Variants in H2AC11 observed in about 807,000 individuals in gnomAD.
The protein encoded by H2AC11 is H2A clustered histone 11.
Under a neutral mutation model 5.9 loss-of-function variants are expected in H2AC11, and 8 were observed. The ratio of observed to expected loss-of-function variants is 1.35; its 90% CI spans 0.79 to 2.44. The LOEUF (loss-of-function observed/expected upper bound fraction) is 2.44, where lower values mean the gene tolerates loss of function less well. Among genes scored for constraint, H2AC11 ranks in the 30% most tolerant of loss-of-function variants. H2AC11 has a pLI of 0.00. For missense variants in H2AC11, 189 were observed against 178.6 expected (o/e 1.06, Z -0.33); for synonymous variants, 161 against 81.9 (o/e 1.96, Z -5.21).
At position 27,133,149 on chromosome 6, in the gene H2AC11, C is replaced by T. The variant is rs765181979; in HGVS notation, c.78C>T (p.Phe26=). 6 of 1,614,060 alleles carry T rather than the reference C, an allele frequency of 3.7e-6. No homozygotes were observed. The highest frequency in any genetic ancestry group is 3.3e-5 in the South Asian group (3 of 91,058). ...GCTCTTCTAGGGCCGGTCTCCAGTT[C>T]CCCGTGGGCCGAGTGCACCGCCTGC... is the stretch of plus-strand genomic sequence containing the variant. The part of the protein sequence containing the change: ...KTRSSRAGLQ[F]PVGRVHRLLR... Residue 26 remains phenylalanine, a synonymous_variant, in exon 1 of 1, where the codon TTC becomes TTT. Transcript: ENST00000359193.
At position 27,133,416 on chromosome 6, in the gene H2AC11, G is replaced by C. The variant is rs561275841; in HGVS notation, c.345G>C (p.Val115=). The C allele has an allele frequency of 1.9e-6, 3 of 1,614,220 alleles. No individual in the cohort carries two copies. The highest frequency in any genetic ancestry group is 1.7e-5 in the Admixed American group (1 of 60,028). ...QGGVLPNIQA[V]LLPKKTESHH... The stretch of plus-strand genomic sequence containing the variant: ...GTGTCCTGCCCAACATTCAGGCCGT[G>C]CTACTGCCCAAAAAGACTGAGAGCC... The change falls in exon 1 of 1, where the codon GTG becomes GTC. Residue 115 remains valine (V), a synonymous_variant. Transcript: ENST00000359193.
At position 27,133,167 on chromosome 6, in the gene H2AC11, C is replaced by G; in HGVS notation, c.96C>G (p.His32Gln). 1 of 1,614,110 alleles carries G rather than the reference C, an allele frequency of 6.2e-7. No homozygotes were observed. Among genetic ancestry groups the G allele is most frequent in the South Asian group, 1.1e-5 (1 of 91,054 alleles). Residue 32 changes from histidine to glutamine, a missense_variant, in exon 1 of 1, where the codon CAC (histidine) becomes CAG (glutamine). Coordinates refer to ENST00000359193, the MANE Select transcript of H2AC11 (RefSeq NM_021064.5). ...TCCAGTTCCCCGTGGGCCGAGTGCA[C>G]CGCCTGCTCCGCAAAGGCAACTATG... ...AGLQFPVGRV[H>Q]RLLRKGNYAE...
Position 27,133,478 on chromosome 6 carries a change from T to C in H2AC11, c.*14T>C. The C allele has an allele frequency of 1.2e-6, 2 of 1,604,778 alleles. No individual in the cohort carries two copies. The highest frequency in any genetic ancestry group is 1.7e-6 in the Non-Finnish European group (2 of 1,173,164). ...AAGGGCAAGTAACTATCTGTACTAG[T>C]TTGTGGCAGCTCAAGTAAAATCGAG... On this transcript the variant is annotated 3_prime_UTR_variant, in exon 1 of 1. Coordinates refer to ENST00000359193, the MANE Select transcript of H2AC11 (RefSeq NM_021064.5).
rs376008923 is a variant in H2AC11, at chr6:27,133,486, A to T, written c.*22A>T. Reference sequence around the variant, plus strand: ...GTAACTATCTGTACTAGTTTGTGGCAGCTCAAGTAAAATCGAGTCCAAACC... The same window carrying T: ...GTAACTATCTGTACTAGTTTGTGGCTGCTCAAGTAAAATCGAGTCCAAACC... On this transcript the variant is annotated 3_prime_UTR_variant, in exon 1 of 1. Coordinates refer to ENST00000359193, the MANE Select transcript of H2AC11 (RefSeq NM_021064.5). 6.2e-7 allele frequency: 1 copy of T among 1,600,914 alleles called. No homozygotes were observed. The highest frequency in any genetic ancestry group is 8.5e-7 in the Non-Finnish European group (1 of 1,170,920).
rs1277773851 is a variant in H2AC11, at chr6:27,133,082, G to A, written c.11G>A (p.Arg4His). 3 of 1,611,678 alleles carry A rather than the reference G, an allele frequency of 1.9e-6. No individual in the cohort carries two copies. Among genetic ancestry groups the A allele is most frequent in the Non-Finnish European group, 2.5e-6 (3 of 1,178,514 alleles). Residue 4 changes from arginine (R) to histidine (H), a missense_variant, in exon 1 of 1, where the codon CGT becomes CAT. Physicochemically the swap from Arg to His is conservative, Grantham distance 29. Coordinates refer to ENST00000359193, the MANE Select transcript of H2AC11 (RefSeq NM_021064.5). MSG[R>H]GKQGGKARAK... Reference sequence around the variant, plus strand: ...TGAGTTGCGCTCGCTATGTCTGGACGTGGCAAGCAGGGAGGCAAAGCCCGC... The same window carrying A: ...TGAGTTGCGCTCGCTATGTCTGGACATGGCAAGCAGGGAGGCAAAGCCCGC...
chr6:27,133,207 G>A lies in H2AC11; in HGVS notation c.136G>A (p.Ala46Thr). ...AGGCAACTATGCCGAGCGGGTCGGGGCCGGCGCGCCGGTGTATCTGGCAGC... is the reference window on the plus strand; with the variant it reads ...AGGCAACTATGCCGAGCGGGTCGGGACCGGCGCGCCGGTGTATCTGGCAGC... ...RKGNYAERVG[A>T]GAPVYLAAVL... The change falls in exon 1 of 1, where the codon GCC becomes ACC. Residue 46 changes from alanine to threonine, a missense_variant. By Grantham distance (58) the Ala-to-Thr change is moderately conservative (BLOSUM62 0). Coordinates refer to ENST00000359193, the MANE Select transcript of H2AC11 (RefSeq NM_021064.5). 6.2e-7 allele frequency: 1 copy of A among 1,614,060 alleles called. No homozygotes were observed. The highest frequency in any genetic ancestry group is 8.5e-7 in the Non-Finnish European group (1 of 1,180,006).
chr6:27,133,219 G>A lies in H2AC11; in HGVS notation c.148G>A (p.Val50Met), dbSNP rs770612081. The change falls in exon 1 of 1, where the codon GTG becomes ATG. Residue 50 changes from valine to methionine, a missense_variant. Physicochemically the swap from Val to Met is conservative, Grantham distance 21 (BLOSUM62 1). Coordinates refer to ENST00000359193, the MANE Select transcript of H2AC11 (RefSeq NM_021064.5). ...YAERVGAGAP[V>M]YLAAVLEYLT... ...CGAGCGGGTCGGGGCCGGCGCGCCG[G>A]TGTATCTGGCAGCGGTGCTGGAGTA... 7 of 1,613,990 alleles carry A rather than the reference G, an allele frequency of 4.3e-6. No homozygotes were observed. Among genetic ancestry groups the A allele is most frequent in the African/African-American group, 1.3e-5 (1 of 74,938 alleles).
Position 27,133,109 on chromosome 6 carries a change from C to T in H2AC11, c.38C>T (p.Ala13Val), listed in dbSNP as rs752509442. ...GGCAAGCAGGGAGGCAAAGCCCGCG[C>T]TAAGGCCAAGACTCGCTCTTCTAGG... The part of the protein sequence containing the change: ...GRGKQGGKAR[A>V]KAKTRSSRAG... Residue 13 changes from alanine to valine, a missense_variant, in exon 1 of 1, where the codon GCT becomes GTT. By Grantham distance (64) the Ala-to-Val change is moderately conservative. Coordinates refer to ENST00000359193, the MANE Select transcript of H2AC11 (RefSeq NM_021064.5). 4 of 1,613,710 alleles carry T rather than the reference C, an allele frequency of 2.5e-6. No individual in the cohort carries two copies. Among genetic ancestry groups the T allele is most frequent in the East Asian group, 2.2e-5 (1 of 44,878 alleles).
rs774470628 is a variant in H2AC11, at chr6:27,133,179, C to CT, written c.108_109insT (p.Lys37Ter). 2.5e-6 allele frequency: 4 copies of CT among 1,614,114 alleles called. No individual in the cohort carries two copies. In the Admixed American group the frequency reaches 5.0e-5, roughly 20 times the overall value. On this transcript the variant is annotated frameshift_variant, in exon 1 of 1. Coordinates refer to ENST00000359193, the MANE Select transcript of H2AC11 (RefSeq NM_021064.5). LOFTEE classifies it high-confidence loss of function. ...TGGGCCGAGTGCACCGCCTGCTCCG[C>CT]AAAGGCAACTATGCCGAGCGGGTCG...
In H2AC11 at chr6:27,133,161, A is replaced by C. The variant is rs376867899; in HGVS notation, c.90A>C (p.Arg30=). Residue 30 remains arginine (R), a synonymous_variant, in exon 1 of 1, where the codon CGA becomes CGC. Coordinates refer to ENST00000359193, the MANE Select transcript of H2AC11 (RefSeq NM_021064.5). The part of the protein sequence containing the change: ...SRAGLQFPVG[R]VHRLLRKGNY... ...CCGGTCTCCAGTTCCCCGTGGGCCG[A>C]GTGCACCGCCTGCTCCGCAAAGGCA... 36 of 1,614,050 alleles carry C rather than the reference A, an allele frequency of 2.2e-5. No individual in the cohort carries two copies. The East Asian group carries it at 6.7e-4, about 30-fold the overall frequency.
chr6:27,133,207 G>C lies in H2AC11; in HGVS notation c.136G>C (p.Ala46Pro), dbSNP rs1403904789. Residue 46 changes from alanine (A) to proline (P), a missense_variant, in exon 1 of 1, where the codon GCC (alanine) becomes CCC (proline). By Grantham distance (27) the Ala-to-Pro change is conservative (BLOSUM62 -1). Transcript: ENST00000359193. The part of the protein sequence containing the change: ...RKGNYAERVG[A>P]GAPVYLAAVL... ...AGGCAACTATGCCGAGCGGGTCGGG[G>C]CCGGCGCGCCGGTGTATCTGGCAGC... 1 of 1,613,942 alleles carries C rather than the reference G, an allele frequency of 6.2e-7. No homozygotes were observed. The highest frequency in any genetic ancestry group is 8.5e-7 in the Non-Finnish European group (1 of 1,180,014).
Position 27,133,449 on chromosome 6 carries a change from G to A in H2AC11, c.378G>A (p.Lys126=). 1.2e-6 allele frequency: 2 copies of A among 1,614,088 alleles called. No individual in the cohort carries two copies. Among genetic ancestry groups the A allele is most frequent in the Non-Finnish European group, 8.5e-7 (1 of 1,179,904 alleles). Residue 126 remains lysine, a synonymous_variant, in exon 1 of 1, where the codon AAG becomes AAA. Coordinates refer to ENST00000359193, the MANE Select transcript of H2AC11 (RefSeq NM_021064.5). The part of the protein sequence containing the change: ...LLPKKTESHH[K]AKGK ...CCAAAAAGACTGAGAGCCACCACAA[G>A]GCGAAGGGCAAGTAACTATCTGTAC...
In H2AC11 at chr6:27,133,319, A is replaced by G. The variant is rs779779973; in HGVS notation, c.248A>G (p.His83Arg). The G allele has an allele frequency of 6.2e-6, 10 of 1,614,038 alleles. No individual in the cohort carries two copies. Among genetic ancestry groups the G allele is most frequent in the South Asian group, 5.5e-5 (5 of 91,084 alleles). ...DNKKTRIIPRHLQLAIRNDEE... is the reference protein window; with the variant it reads ...DNKKTRIIPRRLQLAIRNDEE... ...AAGAAGACCCGCATCATCCCGCGTCATCTCCAACTGGCCATCCGCAACGAC... is the reference window on the plus strand; with the variant it reads ...AAGAAGACCCGCATCATCCCGCGTCGTCTCCAACTGGCCATCCGCAACGAC... The change falls in exon 1 of 1, where the codon CAT becomes CGT. Residue 83 changes from histidine (H) to arginine (R), a missense_variant. By Grantham distance (29) the His-to-Arg change is conservative (BLOSUM62 0). Transcript: ENST00000359193.
chr6:27,133,065 G>C lies in H2AC11; in HGVS notation c.-7G>C, dbSNP rs142369462. 2 of 1,602,648 alleles carry C rather than the reference G, an allele frequency of 1.2e-6. No homozygotes were observed. Among genetic ancestry groups the C allele is most frequent in the African/African-American group, 1.3e-5 (1 of 74,550 alleles). ...TTTGTGGTTGCTCGTAGTGAGTTGC[G>C]CTCGCTATGTCTGGACGTGGCAAGC... is the stretch of plus-strand genomic sequence containing the variant. On this transcript the variant is annotated 5_prime_UTR_variant, in exon 1 of 1. Coordinates refer to ENST00000359193, the MANE Select transcript of H2AC11 (RefSeq NM_021064.5).
rs55867104 is a variant in H2AC11 at position 27,133,275 on chromosome 6, C to T, written c.204C>T (p.Gly68=). The T allele has an allele frequency of 3.2e-3, 5,138 of 1,614,060 alleles. 96 individuals carry two copies. In the African/African-American group the frequency reaches 0.046, roughly 14 times the overall value. The part of the protein sequence containing the change: ...YLTAEILELA[G]NAARDNKKTR... ...CCGCCGAGATCCTGGAACTGGCGGG[C>T]AACGCGGCCCGCGACAACAAGAAGA... The change falls in exon 1 of 1, where the codon GGC becomes GGT. Residue 68 remains glycine, a synonymous_variant. Transcript: ENST00000359193.
rs2113637901 is a variant in H2AC11, at chr6:27,133,280, C to T, written c.209C>T (p.Ala70Val). ...TAEILELAGNAARDNKKTRII... is the reference protein window; with the variant it reads ...TAEILELAGNVARDNKKTRII... ...GAGATCCTGGAACTGGCGGGCAACG[C>T]GGCCCGCGACAACAAGAAGACCCGC... Residue 70 changes from alanine to valine, a missense_variant, in exon 1 of 1, where the codon GCG (alanine) becomes GTG (valine). Coordinates refer to ENST00000359193, the MANE Select transcript of H2AC11 (RefSeq NM_021064.5). 6.2e-7 allele frequency: 1 copy of T among 1,614,114 alleles called. No individual in the cohort carries two copies. The highest frequency in any genetic ancestry group is 8.5e-7 in the Non-Finnish European group (1 of 1,180,034).
At position 27,133,125 on chromosome 6, in the gene H2AC11, C is replaced by G. The variant is rs147278636; in HGVS notation, c.54C>G (p.Arg18=). 9.9e-6 allele frequency: 16 copies of G among 1,613,904 alleles called. No homozygotes were observed. The African/African-American group carries it at 1.7e-4, about 17-fold the overall frequency. The change falls in exon 1 of 1, where the codon CGC becomes CGG. Residue 18 remains arginine (R), a synonymous_variant. Transcript: ENST00000359193. Reference sequence around the variant, plus strand: ...AAGCCCGCGCTAAGGCCAAGACTCGCTCTTCTAGGGCCGGTCTCCAGTTCC... The same window carrying G: ...AAGCCCGCGCTAAGGCCAAGACTCGGTCTTCTAGGGCCGGTCTCCAGTTCC... The part of the protein sequence containing the change: ...GGKARAKAKT[R]SSRAGLQFPV...
Position 27,133,176 on chromosome 6 carries a change from C to T in H2AC11, c.105C>T (p.Leu35=), listed in dbSNP as rs150064024. ...CCGTGGGCCGAGTGCACCGCCTGCTCCGCAAAGGCAACTATGCCGAGCGGG... is the reference window on the plus strand; with the variant it reads ...CCGTGGGCCGAGTGCACCGCCTGCTTCGCAAAGGCAACTATGCCGAGCGGG... The part of the protein sequence containing the change: ...QFPVGRVHRL[L]RKGNYAERVG... The change falls in exon 1 of 1, where the codon CTC becomes CTT. Residue 35 remains leucine (L), a synonymous_variant. Coordinates refer to ENST00000359193, the MANE Select transcript of H2AC11 (RefSeq NM_021064.5). The T allele has an allele frequency of 5.0e-6, 8 of 1,613,998 alleles. No individual in the cohort carries two copies. Among genetic ancestry groups the T allele is most frequent in the African/African-American group, 4.0e-5 (3 of 74,946 alleles).
In H2AC11 at chr6:27,133,104, C is replaced by T. The variant is rs1318057391; in HGVS notation, c.33C>T (p.Ala11=). 8.1e-6 allele frequency: 13 copies of T among 1,613,464 alleles called. No homozygotes were observed. Among genetic ancestry groups the T allele is most frequent in the South Asian group, 1.1e-5 (1 of 91,034 alleles). ...GACGTGGCAAGCAGGGAGGCAAAGC[C>T]CGCGCTAAGGCCAAGACTCGCTCTT... MSGRGKQGGK[A]RAKAKTRSSR... The change falls in exon 1 of 1, where the codon GCC becomes GCT. Residue 11 remains alanine, a synonymous_variant. Coordinates refer to ENST00000359193, the MANE Select transcript of H2AC11 (RefSeq NM_021064.5).
Sources: gnomAD v4.1 joint callset for allele counts on GRCh38, gnomAD v4.1.1 for gene constraint, MANE v1.5 for transcripts, NCBI Gene and HGNC (gene_info 2026-07-23, HGNC 2026-07-21) for gene names.